FEZ1: variants seen among roughly 807,000 people sequenced by gnomAD.
The protein encoded by FEZ1 is fasciculation and elongation protein zeta-1.
Under a neutral mutation model 49.3 loss-of-function variants are expected in FEZ1, and 20 were observed. That is an observed-to-expected ratio of 0.41 (90% CI 0.29 to 0.59). The LOEUF is 0.59. Ranked by LOEUF, FEZ1 falls within the 20% of genes least tolerant of loss-of-function variation. The pLI is 0.36. For missense variants in FEZ1, 413 were observed against 476.0 expected, an observed-to-expected ratio of 0.87 and a Z score of 1.23; for synonymous variants, 170 against 180.9, an observed-to-expected ratio of 0.94 and a Z score of 0.48.
At chr11:125,468,653 G>A (rs530510376) in intron 3 of FEZ1, among the ~76,000 whole-genome samples, 3 of 152,122 alleles carry the variant, frequency 2.0e-5, no homozygotes, top group African/African-American at 7.2e-5. Flanking sequence ...AAAGTGAACA[G>A]GAGAAAAGGC....
Position 125,446,044 on chromosome 11 carries a change from A to G in FEZ1, c.*51T>C, listed in dbSNP as rs771409092. The G allele has an allele frequency of 1.0e-5, 16 of 1,576,194 alleles. No individual in the cohort carries two copies. In the Admixed American group the frequency reaches 2.5e-4, roughly 25 times the overall value. The stretch of plus-strand genomic sequence containing the variant: ...GGTCTCATGCAGTCCCTGTGATGGA[A>G]TGACTCTTGCTCAGTGACCTCCTGC... On this transcript the variant is annotated 3_prime_UTR_variant, in exon 10 of 10. Coordinates refer to ENST00000278919, the MANE Select transcript of FEZ1 (RefSeq NM_005103.5).
intron 3 of FEZ1, among the ~76,000 whole-genome samples, chr11:125,479,076 C>A (rs1419888101): frequency 6.6e-6 from 1 of 152,182 alleles, no homozygotes; most frequent in African/African-American, 2.4e-5. Flanking sequence ...AAAACAGGAC[C>A]TGAGACACAG....
In FEZ1 at chr11:125,489,518, A is replaced by G; in HGVS notation, c.260T>C (p.Val87Ala). Residue 87 changes from valine to alanine, a missense_variant, in exon 2 of 10, where the codon GTG becomes GCG. Val to Ala is a moderately conservative substitution (Grantham distance 64, BLOSUM62 0). Transcript: ENST00000278919. This position sits in a 1 kb window ranked among gnomAD's most constrained non-coding sequence, Gnocchi z 4.2. ...YNAKTENLAP[V>A]KNQLQIQEEE... Reference sequence around the variant, plus strand: ...CTCTTGGATCTGTAACTGGTTCTTCACGGGAGCTAGGTTCTCGGTCTTGGC... The same window carrying G: ...CTCTTGGATCTGTAACTGGTTCTTCGCGGGAGCTAGGTTCTCGGTCTTGGC... 6.2e-7 allele frequency: 1 copy of G among 1,614,046 alleles called. No homozygotes were observed. Among genetic ancestry groups the G allele is most frequent in the Admixed American group, 1.7e-5 (1 of 59,990 alleles).
chr11:125,465,289 G>C (rs1227786734), intron 3 of FEZ1, among the ~76,000 whole-genome samples: 1 of 152,128 alleles, frequency 6.6e-6, no homozygotes, highest in Non-Finnish European at 1.5e-5. Flanking sequence ...ATTGTAGTGG[G>C]TTTAACTCCC....
In FEZ1 at chr11:125,489,565, A is replaced by G. The variant is rs142573472; in HGVS notation, c.213T>C (p.Asn71=). Residue 71 remains asparagine, a synonymous_variant, in exon 2 of 10, where the codon AAT becomes AAC. Coordinates refer to ENST00000278919, the MANE Select transcript of FEZ1 (RefSeq NM_005103.5). This position sits in a 1 kb window ranked among gnomAD's most constrained non-coding sequence, Gnocchi z 4.2. ...TGGCGTTGTAGTTCCGAAAGCAGAC[A>G]TTGAGCTTCTCATCAAATTCATTTA... The part of the protein sequence containing the change: ...DLVNEFDEKL[N]VCFRNYNAKT... 110 of 1,614,094 alleles carry G rather than the reference A, an allele frequency of 6.8e-5. No individual in the cohort carries two copies. Among genetic ancestry groups the G allele is most frequent in the Non-Finnish European group, 8.6e-5 (102 of 1,180,044 alleles).
intron 3 of FEZ1, among the ~76,000 whole-genome samples, chr11:125,465,882 A>T (rs555545038): frequency 6.6e-6 from 1 of 151,734 alleles, no homozygotes; most frequent in Non-Finnish European, 1.5e-5. Context: ...AGCATCCATC[A>T]CTTCACAAGC....
At chr11:125,488,448 A>G (rs1218614753) in intron 2 of FEZ1, among the ~76,000 whole-genome samples, 1 of 152,240 alleles carries the variant, frequency 6.6e-6, no homozygotes, top group Non-Finnish European at 1.5e-5. Flanking sequence ...TGGGAGGCCA[A>G]GGCGGGCAAA....
chr11:125,480,122 T>C (rs1414745709), intron 3 of FEZ1, among the ~76,000 whole-genome samples: 2 of 152,144 alleles, frequency 1.3e-5, no homozygotes, highest in African/African-American at 4.8e-5. Context: ...ACACCTGTAA[T>C]CCCAACACTT....
At chr11:125,476,241 C>G (rs1957231944) in intron 3 of FEZ1, among the ~76,000 whole-genome samples, 1 of 152,164 alleles carries the variant, frequency 6.6e-6, no homozygotes, top group African/African-American at 2.4e-5. Context: ...GCATTGCTCA[C>G]TTTAATATGT....
chr11:125,488,473 G>A (rs1013872946), intron 2 of FEZ1, among the ~76,000 whole-genome samples: 1 of 152,304 alleles, frequency 6.6e-6, no homozygotes, highest in East Asian at 1.9e-4. Flanking sequence ...CAGGTCAGGA[G>A]TTCGAGACCA....
At position 125,495,715 on chromosome 11, in the gene FEZ1, G is replaced by C. The variant is rs1591609397; in HGVS notation, c.-46+406C>G. On this transcript the variant is annotated intron_variant, in intron 1 of 9. Coordinates refer to ENST00000278919, the MANE Select transcript of FEZ1 (RefSeq NM_005103.5). This position sits in a 1 kb window ranked among gnomAD's most constrained non-coding sequence, Gnocchi z 4.2. Reference sequence around the variant, plus strand: ...ACCGACCCACTGCCCCAGCGCGATCGGGCGGCGTTCCCTTCTTCCCCCAGC... The same window carrying C: ...ACCGACCCACTGCCCCAGCGCGATCCGGCGGCGTTCCCTTCTTCCCCCAGC... 1 of 352,116 alleles carries C rather than the reference G, an allele frequency of 2.8e-6. No individual in the cohort carries two copies. The highest frequency in any genetic ancestry group is 2.1e-5 in the South Asian group (1 of 48,460). 21.8% of individuals were successfully genotyped at this position (352,116 alleles called of 1,614,324 possible).
chr11:125,480,336 A>G (rs1302401942), intron 3 of FEZ1, among the ~76,000 whole-genome samples: 1 of 152,004 alleles, frequency 6.6e-6, no homozygotes, highest in Non-Finnish European at 1.5e-5. Flanking sequence ...TAGTGAGCCG[A>G]GACTGTGCCA....
At chr11:125,457,470 A>ATATG (rs1245555741) in intron 5 of FEZ1, among the ~76,000 whole-genome samples, 2 of 20,888 alleles carry the variant, frequency 9.6e-5, no homozygotes, top group Non-Finnish European at 2.3e-4. Context: ...ACACATATAT[A>ATATG]TGTATATATA....
At chr11:125,453,517 C>T (rs902745929) in intron 7 of FEZ1, 6 of 152,210 alleles carry the variant, frequency 3.9e-5, no homozygotes, top group African/African-American at 1.4e-4. Flanking sequence ...TTTCTGTTCA[C>T]GTGCCAGCCA....
intron 3 of FEZ1, among the ~76,000 whole-genome samples, chr11:125,473,320 T>A (rs1405943648): frequency 6.6e-6 from 1 of 152,190 alleles, no homozygotes; most frequent in Non-Finnish European, 1.5e-5. Context: ...CAATGAATGG[T>A]ACTGGAATAA....
At chr11:125,477,967 A>T (rs1409521474) in intron 3 of FEZ1, among the ~76,000 whole-genome samples, 5 of 152,228 alleles carry the variant, frequency 3.3e-5, no homozygotes. Context: ...TCTTGCACTT[A>T]CAGTGCATTA....
chr11:125,461,813 G>C (rs1179081890), intron 4 of FEZ1, among the ~76,000 whole-genome samples: 1 of 152,178 alleles, frequency 6.6e-6, no homozygotes, highest in Non-Finnish European at 1.5e-5. Context: ...AAGGTAAGGG[G>C]TTTCAGGGTC....
At chr11:125,452,959 CT>C (rs3053665) in intron 7 of FEZ1, 19,937 of 139,782 alleles carry the variant, frequency 0.14, 1,697 homozygotes, top group Admixed American at 0.31. Context: ...AAGAAGCTCA[CT>C]TTTTTTTTTT....
At chr11:125,492,044 A>G (rs1957387986) in intron 1 of FEZ1, among the ~76,000 whole-genome samples, 1 of 152,248 alleles carries the variant, frequency 6.6e-6, no homozygotes, top group South Asian at 2.1e-4. Flanking sequence ...GATTGAAGTA[A>G]TATGTTTATT....
Sources: allele counts gnomAD v4.1 joint callset (sites outside exome capture counted in the v4.1 genomes callset), GRCh38; gene constraint gnomAD v4.1.1; non-coding constraint Gnocchi (gnomAD v3.1); transcripts MANE v1.5; gene names NCBI Gene and HGNC (gene_info 2026-07-23, HGNC 2026-07-21).